The following IRF4 variants were observed in gnomAD, a reference collection of about 807,000 sequenced individuals.
IRF4 encodes interferon regulatory factor 4, also known as lymphocyte-specific interferon regulatory factor.
IRF4 carries 13 observed loss-of-function variants against 55.5 expected under a neutral mutation model. The observed-to-expected ratio is 0.23, with a 90% CI of 0.15 to 0.37. The LOEUF (loss-of-function observed/expected upper bound fraction) is 0.37, where lower values mean the gene tolerates loss of function less well. IRF4 is among the 10% of genes least tolerant of loss of function. The pLI, the probability that IRF4 is intolerant of heterozygous loss-of-function variation, is 1.00. For missense variants in IRF4, 397 were observed against 593.8 expected (o/e 0.67, Z 3.44); for synonymous variants, 249 against 240.7 (o/e 1.03, Z -0.32).
rs1366639669 is a variant in IRF4 at position 393,470 on chromosome 6, G to C, written c.216+102G>C. 1.2e-5 allele frequency: 10 copies of C among 847,858 alleles called. No individual in the cohort carries two copies. The highest frequency in any genetic ancestry group is 8.0e-6 in the Non-Finnish European group (5 of 623,948). 52.5% of individuals were successfully genotyped at this position (847,858 alleles called of 1,614,324 possible). A position where few individuals can be genotyped will look rare whatever the true frequency, so the allele number is the denominator to read the frequency against. Reference sequence around the variant, plus strand: ...CCGAGGCGAGCCCAGGGGACCGCGCGGGGCGGACGGGCGGGCGGCGGAGGC... The same window carrying C: ...CCGAGGCGAGCCCAGGGGACCGCGCCGGGCGGACGGGCGGGCGGCGGAGGC... On this transcript the variant is annotated intron_variant, in intron 2 of 8. Coordinates refer to ENST00000380956, the MANE Select transcript of IRF4 (RefSeq NM_002460.4). The surrounding 1 kb of genome is among the most constrained non-coding windows in gnomAD (Gnocchi z 5.4).
At chr6:406,778 T>G (rs1761556719) in intron 8 of IRF4, 6 of 1,208,468 alleles carry the variant, frequency 5.0e-6, no homozygotes. Context: ...ACTTAGGAGT[T>G]TAGCTTAAGT....
At chr6:398,693 G>A (rs1761327056) in intron 5 of IRF4, 135 bp from the exon 6 acceptor site, 2 of 577,434 alleles carry the variant, frequency 3.5e-6, no homozygotes, top group Admixed American at 3.0e-5. Flanking sequence ...GCTAGTTGCT[G>A]GTGCTGGGAG....
intron 1 of IRF4, 163 bp downstream of exon 1, chr6:391,972 C>A: frequency 2.5e-6 from 1 of 406,146 alleles, no homozygotes; most frequent in Non-Finnish European, 5.1e-6. Flanking sequence ...ACCCCATCTG[C>A]GCTGAGCCGG....
chr6:401,312 G>A, intron 6 of IRF4, 112 bp from the exon 7 acceptor site: 3 of 784,626 alleles, frequency 3.8e-6, no homozygotes, highest in South Asian at 1.7e-5. Flanking sequence ...GTTCCCCCAC[G>A]GGACATGTGG....
chr6:392,813 C>G (rs887324923), intron 1 of IRF4, among the ~76,000 whole-genome samples: 1 of 152,156 alleles, frequency 6.6e-6, no homozygotes, highest in Non-Finnish European at 1.5e-5. Flanking sequence ...ACGAGCGGCG[C>G]GTGTCGGGAG....
At position 394,845 on chromosome 6, in the gene IRF4, T is replaced by G; in HGVS notation, c.241T>G (p.Phe81Val). The G allele has an allele frequency of 6.2e-7, 1 of 1,614,070 alleles. No homozygotes were observed. Among genetic ancestry groups the G allele is most frequent in the Non-Finnish European group, 8.5e-7 (1 of 1,179,986 alleles). Residue 81 changes from phenylalanine (F) to valine (V), a missense_variant, in exon 3 of 9, where the codon TTC (phenylalanine) becomes GTC (valine). Coordinates refer to ENST00000380956, the MANE Select transcript of IRF4 (RefSeq NM_002460.4). ...GGCTTGGGCACTGTTTAAAGGAAAG[T>G]TCCGAGAAGGCATCGACAAGCCGGA... The part of the protein sequence containing the change: ...FKAWALFKGK[F>V]REGIDKPDPP...
intron 2 of IRF4, among the ~76,000 whole-genome samples, chr6:394,181 A>T (rs1345491920): frequency 6.6e-6 from 1 of 152,146 alleles, no homozygotes; most frequent in African/African-American, 2.4e-5. Context: ...TGCCATCCAG[A>T]TGTCTCCTGT....
chr6:392,768 AG>A (rs1391653581), intron 1 of IRF4, among the ~76,000 whole-genome samples: 1 of 151,922 alleles, frequency 6.6e-6, no homozygotes, highest in Admixed American at 6.5e-5. Context: ...GAGGGCCAGG[AG>A]GGGTGGCGGC....
Position 401,955 on chromosome 6 carries a change from G to A in IRF4, c.1099+178G>A. ...CTTCTGTCTGGCTCTGTTGTGGGCA[G>A]AGAGTCCGGATCAGATGGTCCAGGT... On this transcript the variant is annotated intron_variant, in intron 7 of 8. Transcript: ENST00000380956. The A allele has an allele frequency of 3.3e-6, 2 of 610,508 alleles. 1 individual carries two copies. The highest frequency in any genetic ancestry group is 5.8e-6 in the Non-Finnish European group (2 of 344,974). The allele number at this position is 610,508 out of a possible 1,614,324, so 37.8% of individuals were successfully genotyped here.
intron 4 of IRF4, 61 bp downstream of exon 4, chr6:395,996 G>GC (rs1280898747): frequency 2.2e-6 from 3 of 1,350,854 alleles, no homozygotes; most frequent in African/African-American, 2.9e-5. Context: ...TGCCCACATG[G>GC]CCAGAGAACC....
At chr6:401,832 G>A in intron 7 of IRF4, 55 bp downstream of exon 7, 1 of 1,536,498 alleles carries the variant, frequency 6.5e-7, no homozygotes, top group Non-Finnish European at 8.9e-7. Flanking sequence ...GCCTGCCACA[G>A]GGGTCAGAAA....
intron 5 of IRF4, chr6:397,465 C>A: frequency 1.8e-6 from 1 of 555,186 alleles, no homozygotes; most frequent in East Asian, 3.0e-5. Flanking sequence ...TAGGCACTGC[C>A]CTTCGTGGGA....
At position 393,398 on chromosome 6, in the gene IRF4, C is replaced by A. The variant is rs1367703974; in HGVS notation, c.216+30C>A. ...CCGGCCTCGGGAGCCGGCGGGGGCGCGCCGGGGAGGGCCCAGAGACAGAGC... is the reference window on the plus strand; with the variant it reads ...CCGGCCTCGGGAGCCGGCGGGGGCGAGCCGGGGAGGGCCCAGAGACAGAGC... On this transcript the variant is annotated intron_variant, in intron 2 of 8. Transcript: ENST00000380956. This position sits in a 1 kb window ranked among gnomAD's most constrained non-coding sequence, Gnocchi z 5.4. 6.9e-7 allele frequency: 1 copy of A among 1,458,212 alleles called. No individual in the cohort carries two copies. Among genetic ancestry groups the A allele is most frequent in the South Asian group, 1.3e-5 (1 of 77,826 alleles). 90.3% of individuals were successfully genotyped at this position (1,458,212 alleles called of 1,614,324 possible). A position where few individuals can be genotyped will look rare whatever the true frequency, so the allele number is the denominator to read the frequency against.
intron 5 of IRF4, chr6:397,637 A>G (rs1761301633): frequency 5.9e-6 from 1 of 170,700 alleles, no homozygotes; most frequent in Admixed American, 6.1e-5. Context: ...CATTGTTGCT[A>G]TTGTTGGAAT....
Position 401,701 on chromosome 6 carries a change from G to T in IRF4, c.1023G>T (p.Ala341=), listed in dbSNP as rs202225254. Residue 341 remains alanine, a synonymous_variant, in exon 7 of 9, where the codon GCG becomes GCT. Coordinates refer to ENST00000380956, the MANE Select transcript of IRF4 (RefSeq NM_002460.4). ...GGATCTACTGGGACGGGCCCCTGGC[G>T]CTGTGCAACGACCGGCCCAACAAAC... The part of the protein sequence containing the change: ...QSRIYWDGPL[A]LCNDRPNKLE... 8 of 1,614,222 alleles carry T rather than the reference G, an allele frequency of 5.0e-6. No homozygotes were observed. Among genetic ancestry groups the T allele is most frequent in the Non-Finnish European group, 5.9e-6 (7 of 1,180,040 alleles).
At chr6:406,366 A>AC (rs1176495947) in intron 8 of IRF4, among the ~76,000 whole-genome samples, 4 of 151,836 alleles carry the variant, frequency 2.6e-5, no homozygotes, top group Non-Finnish European at 5.9e-5. Context: ...ACATGGTGAA[A>AC]CCCCCTCTCT....
In IRF4 at chr6:393,141, GGCA is replaced by G; in HGVS notation, c.-11_-9del. Reference sequence around the variant, plus strand: ...GAGGACCCCGGGCGCGGGCGCGGACGGCACGCGGGGCATGAACCTGGAGGGCGG... The same window carrying G: ...GAGGACCCCGGGCGCGGGCGCGGACGCGCGGGGCATGAACCTGGAGGGCGG... On this transcript the variant is annotated 5_prime_UTR_variant, in exon 2 of 9. Coordinates refer to ENST00000380956, the MANE Select transcript of IRF4 (RefSeq NM_002460.4). The surrounding 1 kb of genome is among the most constrained non-coding windows in gnomAD (Gnocchi z 5.4). The G allele has an allele frequency of 2.6e-6, 4 of 1,546,930 alleles. No individual in the cohort carries two copies. Among genetic ancestry groups the G allele is most frequent in the Non-Finnish European group, 3.5e-6 (4 of 1,144,928 alleles).
rs929611439 is a variant in IRF4 at position 408,096 on chromosome 6, T to C, written c.*498T>C. The C allele has an allele frequency of 4.1e-6, 1 of 242,018 alleles. No homozygotes were observed. The highest frequency in any genetic ancestry group is 8.0e-6 in the Non-Finnish European group (1 of 124,370). 15.0% of individuals were successfully genotyped at this position (242,018 alleles called of 1,614,324 possible). A position where few individuals can be genotyped will look rare whatever the true frequency, so the allele number is the denominator to read the frequency against. ...CTGAAATGCGCTCTTTAATTTGTTG[T>C]AGATTAGGTCTTGCTGGAAGACAGA... is the stretch of plus-strand genomic sequence containing the variant. On this transcript the variant is annotated 3_prime_UTR_variant, in exon 9 of 9. Coordinates refer to ENST00000380956, the MANE Select transcript of IRF4 (RefSeq NM_002460.4).
Position 395,919 on chromosome 6 carries a change from C to A in IRF4, c.476C>A (p.Pro159His), listed in dbSNP as rs1561712197. 1.9e-6 allele frequency: 3 copies of A among 1,613,376 alleles called. No individual in the cohort carries two copies. In the South Asian group the frequency reaches 3.3e-5, roughly 18 times the overall value. The stretch of plus-strand genomic sequence containing the variant: ...CCCTACACCATGACAACGCCTTACC[C>A]TTCGCTCCCAGCCCAGGTATGGTGG... ...SHPYTMTTPY[P>H]SLPAQQVHNY... Residue 159 changes from proline (P) to histidine (H), a missense_variant, in exon 4 of 9, where the codon CCT becomes CAT. Around this residue, in one of 3 missense-constraint regions of IRF4, gnomAD observed 341 missense variants for 548.1 expected, o/e 0.62. Coordinates refer to ENST00000380956, the MANE Select transcript of IRF4 (RefSeq NM_002460.4).
Sources: allele counts gnomAD v4.1 joint callset (sites outside exome capture counted in the v4.1 genomes callset), GRCh38; gene constraint gnomAD v4.1.1; regional missense constraint gnomAD v4.1.1; non-coding constraint Gnocchi (gnomAD v3.1); transcripts MANE v1.5; gene names NCBI Gene and HGNC (gene_info 2026-07-23, HGNC 2026-07-21).